SEMA5A: variants seen among roughly 807,000 people sequenced by gnomAD.
The protein encoded by SEMA5A is semaphorin 5A.
A neutral mutation model predicts 135.5 loss-of-function variants in SEMA5A; 55 were observed. That is an observed-to-expected ratio of 0.41 (90% CI 0.33 to 0.51). The LOEUF (loss-of-function observed/expected upper bound fraction) is 0.51, where lower values mean the gene tolerates loss of function less well. Among genes scored for constraint, SEMA5A ranks in the 20% least tolerant of loss-of-function variants. SEMA5A has a pLI of 0.37. For synonymous variants in SEMA5A, 580 were observed against 546.5 expected (o/e 1.06, Z -0.85); for missense variants, 1,290 against 1,419.9 (o/e 0.91, Z 1.47).
At chr5:9,252,537 A>AAACTGGGTTATATTTCC (rs1229048439) in intron 5 of SEMA5A, among the ~76,000 whole-genome samples, 2 of 152,212 alleles carry the variant, frequency 1.3e-5, no homozygotes, top group African/African-American at 4.8e-5. Flanking sequence ...AAGAAAATTC[A>AAACTGGGTTATATTTCC]AACTGGGTTA....
chr5:9,444,536 C>A (rs2126687713), intron 1 of SEMA5A, among the ~76,000 whole-genome samples: 1 of 152,294 alleles, frequency 6.6e-6, no homozygotes, highest in Middle Eastern at 3.4e-3. Context: ...CTTTTTATGG[C>A]TGAGTAGTAT....
At chr5:9,489,650 G>T (rs1405374522) in intron 1 of SEMA5A, among the ~76,000 whole-genome samples, 3 of 152,300 alleles carry the variant, frequency 2.0e-5, no homozygotes, top group Admixed American at 6.5e-5. Context: ...AGTGAAGTAG[G>T]TATTTAACAC....
At chr5:9,488,248 C>T (rs915076623) in intron 1 of SEMA5A, among the ~76,000 whole-genome samples, 4 of 152,152 alleles carry the variant, frequency 2.6e-5, no homozygotes, top group African/African-American at 9.7e-5. Flanking sequence ...GCTCTTTCCT[C>T]CTTCCTTGGA....
intron 13 of SEMA5A, among the ~76,000 whole-genome samples, chr5:9,135,326 G>A (rs1011130675): frequency 5.3e-5 from 8 of 151,618 alleles, no homozygotes; most frequent in African/African-American, 1.9e-4. Context: ...GACTACAGGC[G>A]CCCGCCACCA....
intron 2 of SEMA5A, among the ~76,000 whole-genome samples, chr5:9,436,924 C>T (rs1032016270): frequency 4.7e-5 from 7 of 149,938 alleles, no homozygotes; most frequent in East Asian, 2.0e-4. Flanking sequence ...CAAACAAGCA[C>T]GATTCGTGGT....
At chr5:9,166,992 A>C (rs1416053160) in intron 11 of SEMA5A, among the ~76,000 whole-genome samples, 2 of 152,174 alleles carry the variant, frequency 1.3e-5, no homozygotes, top group African/African-American at 4.8e-5. Flanking sequence ...TCTAGCCCCC[A>C]GTGGTGAAAT....
At chr5:9,434,648 T>C (rs571367371) in intron 2 of SEMA5A, among the ~76,000 whole-genome samples, 1 of 152,270 alleles carries the variant, frequency 6.6e-6, no homozygotes, top group South Asian at 2.1e-4. Flanking sequence ...TTATATTAAA[T>C]ATATTATTCT....
chr5:9,336,280 G>A (rs1486091691), intron 4 of SEMA5A, among the ~76,000 whole-genome samples: 1 of 152,182 alleles, frequency 6.6e-6, no homozygotes, highest in African/African-American at 2.4e-5. Flanking sequence ...AGGCAAGTCT[G>A]GAAGGGAAGT....
chr5:9,278,863 G>A (rs1174359906), intron 5 of SEMA5A, among the ~76,000 whole-genome samples: 1 of 152,254 alleles, frequency 6.6e-6, no homozygotes, highest in Non-Finnish European at 1.5e-5. Flanking sequence ...GAAGATGTAT[G>A]TAAACACCTT....
intron 3 of SEMA5A, among the ~76,000 whole-genome samples, chr5:9,352,096 G>GC (rs1554023416): frequency 6.8e-6 from 1 of 148,140 alleles, no homozygotes; most frequent in South Asian, 2.2e-4. Context: ...TAACAGGTCG[G>GC]GGGGGTTACT....
intron 16 of SEMA5A, among the ~76,000 whole-genome samples, chr5:9,101,843 T>G (rs533780310): frequency 6.6e-6 from 1 of 152,246 alleles, no homozygotes; most frequent in East Asian, 1.9e-4. Flanking sequence ...AAGGGTATTA[T>G]TAAGGGCAGC....
intron 1 of SEMA5A, among the ~76,000 whole-genome samples, chr5:9,503,558 T>G (rs2126825980): frequency 6.6e-6 from 1 of 152,346 alleles, no homozygotes; most frequent in South Asian, 2.1e-4. Flanking sequence ...CAACCTTGAA[T>G]GGTTTCAACT....
At chr5:9,061,562 T>C (rs548764403) in intron 18 of SEMA5A, among the ~76,000 whole-genome samples, 1 of 152,110 alleles carries the variant, frequency 6.6e-6, no homozygotes, top group Non-Finnish European at 1.5e-5. Context: ...TGGGAAGTTC[T>C]GGTGGAAGTG....
At chr5:9,305,108 G>C (rs1212983241) in intron 5 of SEMA5A, among the ~76,000 whole-genome samples, 1 of 152,008 alleles carries the variant, frequency 6.6e-6, no homozygotes, top group Non-Finnish European at 1.5e-5. Context: ...CTCATCCCAG[G>C]AATATTTTTC....
intron 8 of SEMA5A, among the ~76,000 whole-genome samples, chr5:9,220,622 G>A (rs964781526): frequency 6.6e-6 from 1 of 152,232 alleles, no homozygotes; most frequent in South Asian, 2.1e-4. Flanking sequence ...TGGGCAGAAG[G>A]AAGGGATTGA....
chr5:9,465,972 C>A (rs1021769486), intron 1 of SEMA5A, among the ~76,000 whole-genome samples: 1 of 152,148 alleles, frequency 6.6e-6, no homozygotes, highest in Non-Finnish European at 1.5e-5. Context: ...TGTTGCTAAC[C>A]ACAGAGGACC....
rs746534260 is a variant in SEMA5A at position 9,379,852 on chromosome 5, C to T, written c.95G>A (p.Arg32Lys). ...ATAGGAGATGACTGGATGCTCGGTT[C>T]TCTGGCACTGAGTCGTACCCTGGGC... Reference protein sequence around the residue: ...PEAQGTTQCQRTEHPVISYKE... With the variant: ...PEAQGTTQCQKTEHPVISYKE... The change falls in exon 3 of 23, where the codon AGA (arginine) becomes AAA (lysine). Residue 32 changes from arginine to lysine, a missense_variant. By Grantham distance (26) the Arg-to-Lys change is conservative. This residue lies in a region of SEMA5A where 116 missense variants were observed against 121.3 expected (regional missense o/e 0.96). Transcript: ENST00000382496. The T allele has an allele frequency of 1.2e-6, 2 of 1,613,980 alleles. No homozygotes were observed. The highest frequency in any genetic ancestry group is 1.6e-4 in the Middle Eastern group (1 of 6,062).
chr5:9,534,016 G>A (rs1737605856), intron 1 of SEMA5A, among the ~76,000 whole-genome samples: 2 of 152,172 alleles, frequency 1.3e-5, no homozygotes, highest in African/African-American at 2.4e-5. Context: ...GAGGAACAAA[G>A]ATAAAAGCGA....
In SEMA5A at chr5:9,458,375, G is replaced by A. The variant is rs114709553; in HGVS notation, c.-174-20523C>T. 8.7e-3 allele frequency among the ~76,000 whole-genome samples: 1,323 copies of A among 152,184 alleles called. 8 individuals carry two copies. The highest frequency in any genetic ancestry group is 0.012 in the Non-Finnish European group (784 of 67,994). ...TAAAAATTGATCTGATGAATCTTTC[G>A]CTCTTTCTCAAGCTTTTGAAATAAT... On this transcript the variant is annotated intron_variant, in intron 1 of 22. Coordinates refer to ENST00000382496, the MANE Select transcript of SEMA5A (RefSeq NM_003966.3).
Sources: allele counts gnomAD v4.1 joint callset (sites outside exome capture counted in the v4.1 genomes callset), GRCh38; gene constraint gnomAD v4.1.1; regional missense constraint gnomAD v4.1.1; transcripts MANE v1.5; gene names NCBI Gene and HGNC (gene_info 2026-07-23, HGNC 2026-07-21).